DLC1: variants seen among roughly 807,000 people sequenced by gnomAD.
The protein encoded by DLC1 is rho GTPase-activating protein 7.
Under a neutral mutation model 140.3 loss-of-function variants are expected in DLC1, and 54 were observed. The observed-to-expected ratio is 0.38, with a 90% CI of 0.31 to 0.48. DLC1 has a LOEUF of 0.48. Ranked by LOEUF, DLC1 falls within the 20% of genes least tolerant of loss-of-function variation. DLC1 has a pLI of 0.96. For missense variants in DLC1, 2,536 were observed against 1,907.0 expected (o/e 1.33, Z -6.14); for synonymous variants, 986 against 728.1 (o/e 1.35, Z -5.70).
intron 5 of DLC1, among the ~76,000 whole-genome samples, chr8:13,291,917 C>T (rs888109378): frequency 2.0e-5 from 3 of 151,836 alleles, no homozygotes; most frequent in African/African-American, 4.8e-5. Context: ...ATTCTTTCTA[C>T]ACATTAGTGC....
At chr8:13,377,121 G>A (rs1836030029) in intron 4 of DLC1, among the ~76,000 whole-genome samples, 1 of 152,180 alleles carries the variant, frequency 6.6e-6, no homozygotes, top group African/African-American at 2.4e-5. Flanking sequence ...ACGATTTCTA[G>A]GGCTTGGCTA....
chr8:13,324,853 G>A (rs1319468375), intron 4 of DLC1, among the ~76,000 whole-genome samples: 2 of 152,132 alleles, frequency 1.3e-5, no homozygotes, highest in Non-Finnish European at 2.9e-5. Context: ...TGTTTCGTGT[G>A]TGTGTGTGTG....
chr8:13,233,139 A>G (rs1378168729), intron 5 of DLC1, among the ~76,000 whole-genome samples: 1 of 151,998 alleles, frequency 6.6e-6, no homozygotes, highest in Non-Finnish European at 1.5e-5. Flanking sequence ...TACTAAAAAT[A>G]CAAAAATTAG....
chr8:13,537,716 C>G (rs1386880219), intron 1 of DLC1, among the ~76,000 whole-genome samples: 37 of 140,772 alleles, frequency 2.6e-4, no homozygotes, highest in African/African-American at 7.3e-4. Context: ...TGCAGTGGCG[C>G]GATCTCGGCT....
intron 5 of DLC1, among the ~76,000 whole-genome samples, chr8:13,158,716 G>A (rs530828240): frequency 8.8e-6 from 1 of 114,148 alleles, no homozygotes; most frequent in Non-Finnish European, 1.7e-5. Flanking sequence ...TAGAGTTAAT[G>A]TTCACAACCA....
At chr8:13,511,934 C>A (rs1585228703) in intron 1 of DLC1, among the ~76,000 whole-genome samples, 1 of 152,172 alleles carries the variant, frequency 6.6e-6, no homozygotes, top group Non-Finnish European at 1.5e-5. Context: ...ATCTAAAACT[C>A]TATGAATAAG....
intron 2 of DLC1, among the ~76,000 whole-genome samples, chr8:13,424,652 A>G (rs189215598): frequency 9.9e-4 from 150 of 151,952 alleles, no homozygotes; most frequent in African/African-American, 3.0e-3. Context: ...GGCTCACTGC[A>G]AGCTTCACCT....
chr8:13,381,374 G>C (rs1286702818), intron 4 of DLC1, among the ~76,000 whole-genome samples: 2 of 152,174 alleles, frequency 1.3e-5, no homozygotes, highest in East Asian at 3.9e-4. Context: ...GAGATCACAG[G>C]TGTGGTAGCT....
rs566218305 is a variant in DLC1 at position 13,254,140 on chromosome 8, C to T, written c.1348+51129G>A. The stretch of plus-strand genomic sequence containing the variant: ...TGTGGTCATCTCCCTGGAAATCCTT[C>T]TCCCTCCTTTCCCCCACCCCAACCC... On this transcript the variant is annotated intron_variant, in intron 5 of 17. Coordinates refer to ENST00000276297, the MANE Select transcript of DLC1 (RefSeq NM_182643.3). 5.9e-5 allele frequency among the ~76,000 whole-genome samples: 9 copies of T among 151,842 alleles called. 1 individual carries two copies. The highest frequency in any genetic ancestry group is 2.2e-4 in the African/African-American group (9 of 41,380).
chr8:13,415,189 G>A (rs943519255), intron 2 of DLC1, among the ~76,000 whole-genome samples: 1 of 151,882 alleles, frequency 6.6e-6, no homozygotes, highest in East Asian at 1.9e-4. Flanking sequence ...ACACTTTAGT[G>A]ATTTTATTTA....
intron 1 of DLC1, among the ~76,000 whole-genome samples, chr8:13,512,629 A>C (rs529521865): frequency 3.7e-4 from 57 of 152,258 alleles, no homozygotes; most frequent in African/African-American, 1.2e-3. Context: ...CTACAGCAAC[A>C]ATGATTTAGG....
intron 4 of DLC1, among the ~76,000 whole-genome samples, chr8:13,348,636 G>C (rs1441064968): frequency 6.6e-6 from 1 of 152,088 alleles, no homozygotes; most frequent in East Asian, 1.9e-4. Flanking sequence ...AGGTCCTTCT[G>C]GTTAGAAAAT....
At position 13,086,379 on chromosome 8, in the gene DLC1, C is replaced by A; in HGVS notation, c.4377G>T (p.Val1459=). Reference sequence around the variant, plus strand: ...ACCTGGACAAGAGCACATTAACCCTCACACCCACCACAGGTGCGCGATCGT... The same window carrying A: ...ACCTGGACAAGAGCACATTAACCCTAACACCCACCACAGGTGCGCGATCGT... ...VDHDRAPVVG[V]RVNVLLSRYL... is the part of the protein sequence containing the mutation. The change falls in exon 17 of 18, where the codon GTG becomes GTT. Residue 1459 remains valine (V), a synonymous_variant. Transcript: ENST00000276297. The A allele has an allele frequency of 1.9e-6, 3 of 1,614,270 alleles. No individual in the cohort carries two copies. Among genetic ancestry groups the A allele is most frequent in the Non-Finnish European group, 1.7e-6 (2 of 1,180,050 alleles).
At chr8:13,317,631 G>T (rs1832910545) in intron 4 of DLC1, among the ~76,000 whole-genome samples, 1 of 152,056 alleles carries the variant, frequency 6.6e-6, no homozygotes, top group Non-Finnish European at 1.5e-5. Flanking sequence ...GGCTGTGTCT[G>T]GTGTGTGGTG....
chr8:13,369,832 C>T (rs751511211), intron 4 of DLC1, among the ~76,000 whole-genome samples: 3 of 150,998 alleles, frequency 2.0e-5, no homozygotes, highest in Admixed American at 6.6e-5. Context: ...AACCCCAAGT[C>T]GGCTCTCCGA....
intron 5 of DLC1, among the ~76,000 whole-genome samples, chr8:13,153,834 A>C (rs1451161951): frequency 1.3e-5 from 2 of 152,164 alleles, no homozygotes; most frequent in African/African-American, 4.8e-5. Flanking sequence ...GTGTGTTTAC[A>C]AACCTTGAGC....
In DLC1 at chr8:13,313,483, TA is replaced by T. The variant is rs562097993; in HGVS notation, c.1315-8182del. Among the ~76,000 whole-genome samples the T allele has an allele frequency of 2.9e-3, 436 of 152,250 alleles. 1 individual carries two copies. The highest frequency in any genetic ancestry group is 4.6e-3 in the Admixed American group (70 of 15,288). On this transcript the variant is annotated intron_variant, in intron 4 of 17. Transcript: ENST00000276297. The stretch of plus-strand genomic sequence containing the variant: ...CTAGAACTCTCTGAGCTCAGTGAGA[TA>T]GGGGTAGATATAGTATCTACATCCT...
chr8:13,145,385 A>G (rs1283110881), intron 5 of DLC1, among the ~76,000 whole-genome samples: 1 of 152,236 alleles, frequency 6.6e-6, no homozygotes, highest in Non-Finnish European at 1.5e-5. Context: ...CTAAGTTTAT[A>G]CTTTAAAATG....
chr8:13,459,972 G>T (rs1321036108), intron 2 of DLC1, among the ~76,000 whole-genome samples: 1 of 152,162 alleles, frequency 6.6e-6, no homozygotes, highest in East Asian at 1.9e-4. Context: ...GTTCTTCTCT[G>T]CCTGTGTCTG....
Sources: allele counts gnomAD v4.1 joint callset (sites outside exome capture counted in the v4.1 genomes callset), GRCh38; gene constraint gnomAD v4.1.1; transcripts MANE v1.5; gene names NCBI Gene and HGNC (gene_info 2026-07-23, HGNC 2026-07-21).